The following ACTN4 variants were observed in gnomAD, a reference collection of about 807,000 sequenced individuals.
ACTN4 encodes the protein actinin alpha 4, also known as alpha-actinin-4.
Under a neutral mutation model 114.2 loss-of-function variants are expected in ACTN4, and 18 were observed. The observed-to-expected ratio is 0.16, with a 90% CI of 0.11 to 0.23. The LOEUF (loss-of-function observed/expected upper bound fraction) is 0.23, where lower values mean the gene tolerates loss of function less well. Ranked by LOEUF, ACTN4 falls within the 10% of genes least tolerant of loss-of-function variation. The pLI is 1.00. For missense variants in ACTN4, 722 were observed against 1,262.9 expected (o/e 0.57, Z 6.49); for synonymous variants, 515 against 506.3 (o/e 1.02, Z -0.23).
At chr19:38,651,701 TTTTG>T (rs1314869547) in intron 1 of ACTN4, among the ~76,000 whole-genome samples, 4 of 152,086 alleles carry the variant, frequency 2.6e-5, no homozygotes, top group Admixed American at 2.0e-4. Context: ...ATTTGAAAGT[TTTTG>T]TTTGTTTTTT....
At chr19:38,705,299 C>T (rs1488584308) in intron 4 of ACTN4, among the ~76,000 whole-genome samples, 1 of 152,186 alleles carries the variant, frequency 6.6e-6, no homozygotes, top group Admixed American at 6.5e-5. Context: ...ATGGCTGGGC[C>T]CGTTTTACAG....
chr19:38,710,816 G>A (rs919979841), intron 8 of ACTN4: 1 of 279,618 alleles, frequency 3.6e-6, no homozygotes, highest in Non-Finnish European at 7.1e-6. Flanking sequence ...CGAAGGCCCT[G>A]AGACAGGAAG....
chr19:38,683,606 G>T (rs919640458), intron 1 of ACTN4, among the ~76,000 whole-genome samples: 1 of 152,202 alleles, frequency 6.6e-6, no homozygotes, highest in African/African-American at 2.4e-5. Context: ...GTGAGTCACC[G>T]GTGATAGCCC....
Position 38,721,575 on chromosome 19 carries a change from G to A in ACTN4, c.1329G>A (p.Thr443=), listed in dbSNP as rs142010390. 9 of 1,614,062 alleles carry A rather than the reference G, an allele frequency of 5.6e-6. No individual in the cohort carries two copies. In the South Asian group the frequency reaches 6.6e-5, roughly 12 times the overall value. ...EAMLKHRDYE[T]ATLSDIKALI... ...TGCTGAAGCACCGGGACTACGAGACGGCCACACTATCGGACATCAAAGCCC... is the reference window on the plus strand; with the variant it reads ...TGCTGAAGCACCGGGACTACGAGACAGCCACACTATCGGACATCAAAGCCC... Residue 443 remains threonine (T), a synonymous_variant, in exon 12 of 21, where the codon ACG becomes ACA. Coordinates refer to ENST00000252699, the MANE Select transcript of ACTN4 (RefSeq NM_004924.6).
intron 1 of ACTN4, among the ~76,000 whole-genome samples, chr19:38,653,904 C>T (rs998245627): frequency 6.6e-6 from 1 of 152,150 alleles, no homozygotes; most frequent in Non-Finnish European, 1.5e-5. Flanking sequence ...ATACTGTCAT[C>T]CGTGGAGATT....
chr19:38,687,231 C>G (rs528488030), intron 1 of ACTN4, among the ~76,000 whole-genome samples: 176 of 152,110 alleles, frequency 1.2e-3, no homozygotes, highest in East Asian at 2.7e-3. Context: ...CTCAGCCCCC[C>G]CAAAGTGCTG....
chr19:38,702,757 C>T (rs959122538), intron 3 of ACTN4, among the ~76,000 whole-genome samples: 2 of 152,190 alleles, frequency 1.3e-5, no homozygotes, highest in Non-Finnish European at 2.9e-5. Flanking sequence ...ATATTTCCTC[C>T]TCTCAAAACC....
At chr19:38,705,933 C>T in intron 4 of ACTN4, 111 bp from the exon 5 acceptor site, 5 of 1,002,268 alleles carry the variant, frequency 5.0e-6, no homozygotes, top group Admixed American at 3.5e-5. Context: ...ATATCCTCTC[C>T]CCTTGGGTTT....
chr19:38,648,499 C>T (rs1349992974), intron 1 of ACTN4, among the ~76,000 whole-genome samples: 1 of 151,364 alleles, frequency 6.6e-6, no homozygotes, highest in African/African-American at 2.4e-5. Flanking sequence ...GGTGGGAAGA[C>T]TAGGGAGGCT....
chr19:38,730,895 A>C lies in ACTN4; in HGVS notation c.*1463A>C. The C allele has an allele frequency of 6.4e-7, 1 of 1,551,536 alleles. No homozygotes were observed. Among genetic ancestry groups the C allele is most frequent in the Non-Finnish European group, 8.7e-7 (1 of 1,147,368 alleles). On this transcript the variant is annotated 3_prime_UTR_variant, in exon 21 of 21. Coordinates refer to ENST00000252699, the MANE Select transcript of ACTN4 (RefSeq NM_004924.6). ...CTCCATCCACTAAGGAAGAGAAGGA[A>C]GACAGTGGCTTGAGGCAGGGAGCTC... is the stretch of plus-strand genomic sequence containing the variant.
At chr19:38,651,544 G>T (rs144558556) in intron 1 of ACTN4, among the ~76,000 whole-genome samples, 177 of 152,224 alleles carry the variant, frequency 1.2e-3, no homozygotes, top group African/African-American at 4.0e-3. Flanking sequence ...ACAGCAAGAA[G>T]AAATGACTCA....
intron 1 of ACTN4, among the ~76,000 whole-genome samples, chr19:38,675,495 A>G (rs1967344448): frequency 6.6e-6 from 1 of 152,136 alleles, no homozygotes; most frequent in Non-Finnish European, 1.5e-5. Flanking sequence ...TGGTCTCCCA[A>G]AGTGTTAGGA....
chr19:38,689,495 T>TTTTTG (rs1176802121), intron 1 of ACTN4, among the ~76,000 whole-genome samples: 1 of 151,914 alleles, frequency 6.6e-6, no homozygotes, highest in Non-Finnish European at 1.5e-5. Flanking sequence ...TATTTTTGGT[T>TTTTTG]TTTTGTTTTG....
chr19:38,652,986 T>C (rs1398770310), intron 1 of ACTN4, among the ~76,000 whole-genome samples: 1 of 150,866 alleles, frequency 6.6e-6, no homozygotes, highest in Non-Finnish European at 1.5e-5. Context: ...CTTGGGAGGC[T>C]GAGGCAGGAG....
chr19:38,671,240 C>T (rs1170808622), intron 1 of ACTN4, among the ~76,000 whole-genome samples: 1 of 152,174 alleles, frequency 6.6e-6, no homozygotes, highest in Non-Finnish European at 1.5e-5. Context: ...AGAGTTGACT[C>T]CTCAAAATTC....
rs1364349322 is a variant in ACTN4 at position 38,731,020 on chromosome 19, T to G, written c.*1588T>G. On this transcript the variant is annotated 3_prime_UTR_variant, in exon 21 of 21. Transcript: ENST00000252699. ...ACCCCCATCCAGGTGCTGGCTGCAGTGGCCTGTGCAGAGAGGGGCAGGGTG... is the reference window on the plus strand; with the variant it reads ...ACCCCCATCCAGGTGCTGGCTGCAGGGGCCTGTGCAGAGAGGGGCAGGGTG... 1 of 1,554,168 alleles carries G rather than the reference T, an allele frequency of 6.4e-7. No homozygotes were observed. Among genetic ancestry groups the G allele is most frequent in the South Asian group, 1.2e-5 (1 of 84,450 alleles).
At position 38,730,837 on chromosome 19, in the gene ACTN4, G is replaced by A. The variant is rs748167427; in HGVS notation, c.*1405G>A. The A allele has an allele frequency of 6.8e-5, 105 of 1,550,714 alleles. No individual in the cohort carries two copies. Among genetic ancestry groups the A allele is most frequent in the Middle Eastern group, 1.7e-4 (1 of 6,014 alleles). On this transcript the variant is annotated 3_prime_UTR_variant, in exon 21 of 21. Transcript: ENST00000252699. Reference sequence around the variant, plus strand: ...CAACCCTGCCCTGAGCAGCAGGTGCGCCCATCCGGAGATCCTAGGAGAAGG... The same window carrying A: ...CAACCCTGCCCTGAGCAGCAGGTGCACCCATCCGGAGATCCTAGGAGAAGG...
chr19:38,729,710 G>A lies in ACTN4; in HGVS notation c.*278G>A. ...TGCTTTTTTAACCAAGGAGGGGCCA[G>A]TGGATTCCCACAGCACAACCGGTCC... On this transcript the variant is annotated 3_prime_UTR_variant, in exon 21 of 21. Transcript: ENST00000252699. The A allele has an allele frequency of 1.6e-6, 1 of 631,208 alleles. No homozygotes were observed. The highest frequency in any genetic ancestry group is 2.9e-6 in the Non-Finnish European group (1 of 341,438). The allele number at this position is 631,208 out of a possible 1,614,324, so 39.1% of individuals were successfully genotyped here.
At position 38,682,004 on chromosome 19, in the gene ACTN4, T is replaced by A. The variant is rs771317691; in HGVS notation, c.163-18596T>A. Among the ~76,000 whole-genome samples, 101 of 152,100 alleles carry A rather than the reference T, an allele frequency of 6.6e-4. 1 individual carries two copies. Among genetic ancestry groups the A allele is most frequent in the Admixed American group, 1.1e-3 (17 of 15,262 alleles). On this transcript the variant is annotated intron_variant, in intron 1 of 20. Transcript: ENST00000252699. ...TACCACCACACCTGGCTAATTTTTG[T>A]ATTTTTAGTAGAGACGGGGTTTTGC...
Sources: allele counts gnomAD v4.1 joint callset (sites outside exome capture counted in the v4.1 genomes callset), GRCh38; gene constraint gnomAD v4.1.1; transcripts MANE v1.5; gene names NCBI Gene and HGNC (gene_info 2026-07-23, HGNC 2026-07-21).